The following CADM2 variants were observed in gnomAD, a reference collection of about 807,000 sequenced individuals.
CADM2 encodes the protein cell adhesion molecule 2, also known as immunoglobulin superfamily member 4D.
CADM2 carries 12 observed loss-of-function variants against 49.8 expected under a neutral mutation model. That is an observed-to-expected ratio of 0.24 (90% CI 0.15 to 0.39). The LOEUF (loss-of-function observed/expected upper bound fraction) is 0.39. Among genes scored for constraint, CADM2 ranks in the 10% least tolerant of loss-of-function variants. The pLI is 1.00. For missense variants in CADM2, 378 were observed against 492.3 expected, an observed-to-expected ratio of 0.77 and a Z score of 2.20; for synonymous variants, 214 against 175.4, an observed-to-expected ratio of 1.22 and a Z score of -1.74.
chr3:86,040,792 A>G (rs906105462), intron 8 of CADM2, among the ~76,000 whole-genome samples: 3 of 152,132 alleles, frequency 2.0e-5, no homozygotes, highest in African/African-American at 7.2e-5. Flanking sequence ...AGATTCACAA[A>G]ATTGAAATGA....
rs535195748 is a variant in CADM2 at position 85,617,524 on chromosome 3, C to G, written c.62-108998C>G. Among the ~76,000 whole-genome samples the G allele has an allele frequency of 2.0e-5, 3 of 152,272 alleles. No individual in the cohort carries two copies. The South Asian group carries it at 6.2e-4, about 32-fold the overall frequency. On this transcript the variant is annotated intron_variant, in intron 1 of 9. Coordinates refer to ENST00000383699, the MANE Select transcript of CADM2 (RefSeq NM_001167675.2). ...CTCCATGTGTTCATCCAGAAGCTCT[C>G]TGAACCCAGTCCTTTTGGATTTTTA...
intron 1 of CADM2, among the ~76,000 whole-genome samples, chr3:85,597,897 T>C (rs1042700997): frequency 1.3e-5 from 2 of 152,086 alleles, no homozygotes; most frequent in Admixed American, 6.6e-5. Context: ...TTTAGTTATA[T>C]ATTTTGGAAA....
At chr3:85,530,001 C>T (rs889110618) in intron 1 of CADM2, among the ~76,000 whole-genome samples, 1 of 152,010 alleles carries the variant, frequency 6.6e-6, no homozygotes, top group Non-Finnish European at 1.5e-5. Flanking sequence ...TATGGTTAGG[C>T]TTTGTGTCCC....
chr3:84,981,673 T>C (rs1468430358), intron 1 of CADM2, among the ~76,000 whole-genome samples: 1 of 152,108 alleles, frequency 6.6e-6, no homozygotes, highest in African/African-American at 2.4e-5. Flanking sequence ...CCTTTCTTCC[T>C]CCTTCCCTCC....
intron 1 of CADM2, among the ~76,000 whole-genome samples, chr3:85,354,618 C>CAGAGAGAGAG (rs139421347): frequency 0.051 from 6,581 of 130,198 alleles, 255 homozygotes; most frequent in South Asian, 0.092. Context: ...GAATACCTAA[C>CAGAGAGAGAG]AGAGAGAGAG....
chr3:85,154,191 A>T (rs575584958), intron 1 of CADM2, among the ~76,000 whole-genome samples: 24 of 152,308 alleles, frequency 1.6e-4, no homozygotes, highest in African/African-American at 1.9e-4. Context: ...AAAACTTTTT[A>T]AAAAATTTAG....
intron 3 of CADM2, among the ~76,000 whole-genome samples, chr3:85,872,706 T>G (rs963556071): frequency 2.0e-5 from 3 of 149,068 alleles, no homozygotes; most frequent in African/African-American, 7.3e-5. Context: ...TATATAAATT[T>G]ATGTTTATAT....
chr3:85,754,367 G>T (rs543320566), intron 2 of CADM2, among the ~76,000 whole-genome samples: 2 of 152,070 alleles, frequency 1.3e-5, no homozygotes, highest in South Asian at 2.1e-4. Flanking sequence ...CAGTCCTGGT[G>T]GGGGGCCCTC....
At chr3:85,833,761 G>A (rs116071810) in intron 3 of CADM2, among the ~76,000 whole-genome samples, 1 of 151,492 alleles carries the variant, frequency 6.6e-6, no homozygotes, top group Non-Finnish European at 1.5e-5. Context: ...ATATAGCTTT[G>A]TTACAGACAA....
At chr3:84,964,729 G>T (rs564980980) in intron 1 of CADM2, among the ~76,000 whole-genome samples, 2 of 152,272 alleles carry the variant, frequency 1.3e-5, no homozygotes, top group East Asian at 3.9e-4. Context: ...CTGAGGGCAA[G>T]CTCTGAGCCT....
chr3:85,674,863 TAA>T (rs1222920550), intron 1 of CADM2, among the ~76,000 whole-genome samples: 2 of 152,166 alleles, frequency 1.3e-5, no homozygotes, highest in Admixed American at 6.6e-5. Context: ...TAAGAGACAC[TAA>T]AGTTTTTCAT....
chr3:85,637,632 A>AAAATAAAAT (rs1553753417), intron 1 of CADM2, among the ~76,000 whole-genome samples: 29 of 145,742 alleles, frequency 2.0e-4, no homozygotes, highest in African/African-American at 7.5e-4. Context: ...AAAATAAAAT[A>AAAATAAAAT]AAATAAATAA....
intron 1 of CADM2, among the ~76,000 whole-genome samples, chr3:85,369,858 A>G (rs1465256157): frequency 2.0e-5 from 3 of 152,088 alleles, no homozygotes; most frequent in Admixed American, 1.3e-4. Flanking sequence ...CAGCAGTCCT[A>G]AAGAAAATTA....
At chr3:85,941,437 A>G (rs1721890423) in intron 7 of CADM2, among the ~76,000 whole-genome samples, 1 of 152,090 alleles carries the variant, frequency 6.6e-6, no homozygotes, top group African/African-American at 2.4e-5. Context: ...TCCAGACCGA[A>G]GTCATGGCAA....
intron 1 of CADM2, among the ~76,000 whole-genome samples, chr3:85,645,002 T>C (rs2064840524): frequency 6.6e-6 from 1 of 152,080 alleles, no homozygotes; most frequent in South Asian, 2.1e-4. Context: ...TTTTAAGCAT[T>C]CTATTTTTGG....
intron 1 of CADM2, among the ~76,000 whole-genome samples, chr3:85,296,340 A>G (rs1453609963): frequency 6.6e-6 from 1 of 152,060 alleles, no homozygotes; most frequent in Non-Finnish European, 1.5e-5. Flanking sequence ...ATAATTGATA[A>G]CTCAAATTTA....
intron 1 of CADM2, among the ~76,000 whole-genome samples, chr3:85,343,180 C>T (rs912214105): frequency 6.6e-6 from 1 of 152,100 alleles, no homozygotes; most frequent in African/African-American, 2.4e-5. Context: ...CAGCCTCCCA[C>T]GAGAATTACT....
At chr3:84,960,281 G>C (rs1205703305) in intron 1 of CADM2, 2 of 151,748 alleles carry the variant, frequency 1.3e-5, no homozygotes, top group South Asian at 2.1e-4. Context: ...CCTAGGAAGA[G>C]AGAGGGGACT....
chr3:85,261,897 T>A (rs2043021311), intron 1 of CADM2, among the ~76,000 whole-genome samples: 1 of 152,130 alleles, frequency 6.6e-6, no homozygotes, highest in Non-Finnish European at 1.5e-5. Flanking sequence ...ACGTTCTTAT[T>A]CCTAACTCTT....
Sources: allele counts gnomAD v4.1 joint callset (sites outside exome capture counted in the v4.1 genomes callset), GRCh38; gene constraint gnomAD v4.1.1; transcripts MANE v1.5; gene names NCBI Gene and HGNC (gene_info 2026-07-23, HGNC 2026-07-21).